The following TXNDC16 variants were observed in gnomAD, a reference collection of about 807,000 sequenced individuals.
The protein encoded by TXNDC16 is thioredoxin domain-containing protein 16.
A neutral mutation model predicts 85.6 loss-of-function variants in TXNDC16; 74 were observed. That is an observed-to-expected ratio of 0.86 (90% confidence interval 0.72 to 1.05). TXNDC16 has a LOEUF of 1.05. Among genes scored for constraint, TXNDC16 ranks in the 50% least tolerant of loss-of-function variants. TXNDC16 has a pLI of 0.00. For synonymous variants in TXNDC16, 335 were observed against 326.5 expected, an observed-to-expected ratio of 1.03 and a Z score of -0.28; for missense variants, 959 against 947.0, an observed-to-expected ratio of 1.01 and a Z score of -0.17.
intron 9 of TXNDC16, among the ~76,000 whole-genome samples, chr14:52,504,005 C>T (rs572650784): frequency 3.8e-4 from 57 of 151,876 alleles, no homozygotes; most frequent in South Asian, 8.4e-4. Flanking sequence ...TGAAATGAAG[C>T]GAGAAGAGAA....
intron 9 of TXNDC16, among the ~76,000 whole-genome samples, chr14:52,493,216 TACAC>T (rs35747449): frequency 5.1e-4 from 59 of 115,924 alleles, no homozygotes; most frequent in African/African-American, 9.6e-4. Flanking sequence ...TATATATATA[TACAC>T]ACACACACAC....
At chr14:52,469,481 C>T (rs767794821) in intron 16 of TXNDC16, among the ~76,000 whole-genome samples, 1 of 151,936 alleles carries the variant, frequency 6.6e-6, no homozygotes, top group East Asian at 1.9e-4. Flanking sequence ...TGGCTAGGTG[C>T]GGTGGCTCAC....
At chr14:52,544,667 G>T (rs575419892) in intron 1 of TXNDC16, among the ~76,000 whole-genome samples, 171 of 151,502 alleles carry the variant, frequency 1.1e-3, no homozygotes, top group Non-Finnish European at 2.0e-3. Context: ...TTATCAATAA[G>T]CACATAATAT....
rs751640444 is a variant in TXNDC16 at position 52,432,561 on chromosome 14, G to A, written c.2221C>T (p.Pro741Ser). 4.3e-6 allele frequency: 7 copies of A among 1,610,436 alleles called. No individual in the cohort carries two copies. The highest frequency in any genetic ancestry group is 5.9e-6 in the Non-Finnish European group (7 of 1,178,638). ...AGAAAATCATAAGCTGGAAGAGGAG[G>A]TTTCCATTCTTGAGCAGGTAAAATT... ...ITILPAQEWK[P>S]PLPAYDFLSM... Residue 741 changes from proline to serine, a missense_variant, in exon 21 of 21, where the codon CCT becomes TCT. Pro to Ser is a moderately conservative substitution (Grantham distance 74). Transcript: ENST00000281741.
At chr14:52,538,259 T>C (rs1417791173) in intron 4 of TXNDC16, among the ~76,000 whole-genome samples, 21 of 152,114 alleles carry the variant, frequency 1.4e-4, no homozygotes. Flanking sequence ...GTAAGACAGA[T>C]GGAGTACCAA....
At chr14:52,486,780 C>T (rs1162072150) in intron 12 of TXNDC16, among the ~76,000 whole-genome samples, 1 of 151,980 alleles carries the variant, frequency 6.6e-6, no homozygotes, top group Non-Finnish European at 1.5e-5. Flanking sequence ...ACAAAAAAGG[C>T]AAAGCTGCAA....
At chr14:52,482,998 T>C (rs1470598926) in intron 12 of TXNDC16, 33 bp from the exon 13 acceptor site, 17 of 1,548,878 alleles carry the variant, frequency 1.1e-5, no homozygotes, top group South Asian at 2.3e-5. Flanking sequence ...AATTTAAATA[T>C]TGATGTATAA....
intron 6 of TXNDC16, among the ~76,000 whole-genome samples, chr14:52,522,135 G>A (rs2037224626): frequency 6.6e-6 from 1 of 152,178 alleles, no homozygotes; most frequent in African/African-American, 2.4e-5. Context: ...GGACTACCAT[G>A]TAAATTCTAG....
At position 52,439,348 on chromosome 14, in the gene TXNDC16, G is replaced by A; in HGVS notation, c.2050C>T (p.Pro684Ser). ...ACAAGAAGAGGAAGGGGAGGCAGAG[G>A]ATCAAAATATGCCCTCAAGATTCCT... ...GRGILRAYFDPLPPLPLLVLV... is the reference protein window; with the variant it reads ...GRGILRAYFDSLPPLPLLVLV... The change falls in exon 20 of 21, where the codon CCT becomes TCT. Residue 684 changes from proline to serine, a missense_variant. Coordinates refer to ENST00000281741, the MANE Select transcript of TXNDC16 (RefSeq NM_020784.3). 6.2e-7 allele frequency: 1 copy of A among 1,613,926 alleles called. No homozygotes were observed. Among genetic ancestry groups the A allele is most frequent in the Non-Finnish European group, 8.5e-7 (1 of 1,179,938 alleles).
At chr14:52,510,660 A>T (rs1156752350) in intron 9 of TXNDC16, among the ~76,000 whole-genome samples, 1 of 152,236 alleles carries the variant, frequency 6.6e-6, no homozygotes, top group Non-Finnish European at 1.5e-5. Flanking sequence ...TTTATATTTT[A>T]AAAAAGACAT....
At chr14:52,442,583 ATC>A (rs1329216468) in intron 18 of TXNDC16, among the ~76,000 whole-genome samples, 1 of 152,050 alleles carries the variant, frequency 6.6e-6, no homozygotes, top group Non-Finnish European at 1.5e-5. Flanking sequence ...TCTTCTAATT[ATC>A]TCTCTTTCAC....
chr14:52,490,800 G>A (rs550520734), intron 10 of TXNDC16, 39 bp downstream of exon 10: 52 of 1,576,594 alleles, frequency 3.3e-5, no homozygotes, highest in East Asian at 1.6e-4. Context: ...AACTATTAGC[G>A]TTTTGCTAAA....
intron 16 of TXNDC16, among the ~76,000 whole-genome samples, chr14:52,468,699 G>A (rs1016605167): frequency 2.0e-5 from 3 of 151,948 alleles, no homozygotes; most frequent in Non-Finnish European, 4.4e-5. Context: ...GCAACACAGG[G>A]AGACCTCATC....
At chr14:52,487,815 A>G (rs914991091) in intron 12 of TXNDC16, among the ~76,000 whole-genome samples, 1 of 152,066 alleles carries the variant, frequency 6.6e-6, no homozygotes, top group African/African-American at 2.4e-5. Context: ...AATAATAATC[A>G]AAGTAAATAA....
At chr14:52,482,681 A>T in intron 13 of TXNDC16, 141 bp downstream of exon 13, 1 of 614,298 alleles carries the variant, frequency 1.6e-6, no homozygotes, top group Non-Finnish European at 2.6e-6. Context: ...AATCAGAAGT[A>T]AATGCTTCAA....
intron 2 of TXNDC16, among the ~76,000 whole-genome samples, 190 bp downstream of exon 2, chr14:52,544,074 A>C (rs926613363): frequency 5.3e-5 from 8 of 152,142 alleles, no homozygotes; most frequent in African/African-American, 1.9e-4. Context: ...CCCCTAGAAG[A>C]AATCTATTAA....
intron 1 of TXNDC16, among the ~76,000 whole-genome samples, chr14:52,549,330 G>A (rs2037999235): frequency 6.6e-6 from 1 of 152,320 alleles, no homozygotes; most frequent in Non-Finnish European, 1.5e-5. Context: ...TAATACAAGA[G>A]GGTAACAGCA....
At chr14:52,515,106 TA>T in intron 7 of TXNDC16, 136 bp from the exon 8 acceptor site, 3 of 526,188 alleles carry the variant, frequency 5.7e-6, no homozygotes. Flanking sequence ...ACAGGGATAC[TA>T]GTTGGGAAAA....
intron 7 of TXNDC16, among the ~76,000 whole-genome samples, chr14:52,517,599 G>T (rs1594747995): frequency 6.6e-6 from 1 of 151,676 alleles, no homozygotes. Context: ...CATCCCTCTG[G>T]TTACCAGAGA....
Sources: gnomAD v4.1 joint callset for allele counts (sites outside exome capture counted in the v4.1 genomes callset) on GRCh38, gnomAD v4.1.1 for gene constraint, MANE v1.5 for transcripts, NCBI Gene and HGNC (gene_info 2026-07-23, HGNC 2026-07-21) for gene names.